Variants in PIP5K1B observed in about 807,000 individuals in gnomAD.
The protein encoded by PIP5K1B is phosphatidylinositol 4-phosphate 5-kinase type-1 beta.
A neutral mutation model predicts 67.0 loss-of-function variants in PIP5K1B; 42 were observed. The ratio of observed to expected loss-of-function variants is 0.63; its 90% CI spans 0.49 to 0.81. The LOEUF (loss-of-function observed/expected upper bound fraction) is 0.81, where lower values mean the gene tolerates loss of function less well. PIP5K1B is among the 30% of genes least tolerant of loss of function. The pLI, the probability that PIP5K1B is intolerant of heterozygous loss-of-function variation, is 0.00. For missense variants in PIP5K1B, 459 were observed against 646.3 expected, an observed-to-expected ratio of 0.71 and a Z score of 3.14; for synonymous variants, 214 against 231.4, an observed-to-expected ratio of 0.92 and a Z score of 0.68.
At chr9:68,957,116 A>G (rs1362388140) in intron 14 of PIP5K1B, among the ~76,000 whole-genome samples, 2 of 152,126 alleles carry the variant, frequency 1.3e-5, no homozygotes, top group Non-Finnish European at 2.9e-5. Flanking sequence ...CTGCTCTGCC[A>G]TGCTTCACTC....
chr9:68,922,056 A>G (rs539405832), intron 11 of PIP5K1B, among the ~76,000 whole-genome samples: 3 of 152,312 alleles, frequency 2.0e-5, no homozygotes, highest in African/African-American at 4.8e-5. Flanking sequence ...TTAATCCTCT[A>G]TGGATACCCC....
intron 1 of PIP5K1B, among the ~76,000 whole-genome samples, chr9:68,740,765 T>A (rs1828965977): frequency 6.6e-6 from 1 of 152,252 alleles, no homozygotes; most frequent in Admixed American, 6.5e-5. Context: ...TATTTCCTTA[T>A]GAAGTTCATT....
At chr9:68,974,138 G>C (rs1358092843) in intron 14 of PIP5K1B, among the ~76,000 whole-genome samples, 2 of 152,124 alleles carry the variant, frequency 1.3e-5, no homozygotes, top group Non-Finnish European at 2.9e-5. Context: ...CCAAAGTGCT[G>C]GGATTACAGG....
rs1002603116 is a variant in PIP5K1B at position 68,773,858 on chromosome 9, T to C, written c.-86+31201T>C. On this transcript the variant is annotated intron_variant, in intron 2 of 15. Coordinates refer to ENST00000265382, the MANE Select transcript of PIP5K1B (RefSeq NM_003558.4). ...AATGATTATTTGCAAATTGAATGGTTGGTAAGTTTCTGAGATAATCTATTA... is the reference window on the plus strand; with the variant it reads ...AATGATTATTTGCAAATTGAATGGTCGGTAAGTTTCTGAGATAATCTATTA... Among the ~76,000 whole-genome samples, 14 of 152,274 alleles carry C rather than the reference T, an allele frequency of 9.2e-5. No individual in the cohort carries two copies. The East Asian group carries it at 2.7e-3, about 29-fold the overall frequency.
intron 11 of PIP5K1B, among the ~76,000 whole-genome samples, chr9:68,922,734 C>T (rs1826473786): frequency 6.6e-6 from 1 of 152,184 alleles, no homozygotes; most frequent in Admixed American, 6.5e-5. Context: ...CAATTCAACT[C>T]TATGCAATCA....
intron 11 of PIP5K1B, among the ~76,000 whole-genome samples, chr9:68,922,193 A>G (rs1587670827): frequency 1.3e-5 from 2 of 152,282 alleles, no homozygotes; most frequent in East Asian, 3.9e-4. Context: ...GGCCAGGTGC[A>G]GTGGCTCATG....
chr9:68,780,276 GC>G, intron 2 of PIP5K1B: 1 of 1,577,808 alleles, frequency 6.3e-7, no homozygotes, highest in Non-Finnish European at 8.6e-7. Flanking sequence ...GTCTAACAGC[GC>G]CCCCCTGATC....
intron 7 of PIP5K1B, among the ~76,000 whole-genome samples, chr9:68,893,809 A>C (rs1376937130): frequency 1.3e-5 from 2 of 152,230 alleles, no homozygotes; most frequent in East Asian, 3.8e-4. Context: ...AATCAATGGC[A>C]TTCAAATTTT....
At chr9:68,862,296 G>T (rs75111014) in intron 4 of PIP5K1B, among the ~76,000 whole-genome samples, 1 of 152,112 alleles carries the variant, frequency 6.6e-6, no homozygotes, top group Non-Finnish European at 1.5e-5. Flanking sequence ...CACTGCATTC[G>T]TGTTGACAGA....
chr9:68,979,311 G>C (rs1313054090), intron 14 of PIP5K1B, among the ~76,000 whole-genome samples: 1 of 152,068 alleles, frequency 6.6e-6, no homozygotes, highest in Non-Finnish European at 1.5e-5. Flanking sequence ...CACCTAACAG[G>C]GTTCTTTTTA....
rs113825661 is a variant in PIP5K1B at position 68,788,184 on chromosome 9, C to G, written c.-85-30277C>G. 312 of 318,602 alleles carry G rather than the reference C, an allele frequency of 9.8e-4. 3 individuals are homozygous for G. The highest frequency in any genetic ancestry group is 6.3e-3 in the African/African-American group (278 of 44,462). 19.7% of individuals were successfully genotyped at this position (318,602 alleles called of 1,614,324 possible). A position where few individuals can be genotyped will look rare whatever the true frequency, so the allele number is the denominator to read the frequency against. ...TTGATTAGTTCCACAGCACTGCAGG[C>G]TAAGGGGAAAAAGGAATGTGTGGGC... On this transcript the variant is annotated intron_variant, in intron 2 of 15. Transcript: ENST00000265382.
At chr9:68,767,349 T>A (rs1830474896) in intron 2 of PIP5K1B, among the ~76,000 whole-genome samples, 2 of 152,134 alleles carry the variant, frequency 1.3e-5, no homozygotes, top group Non-Finnish European at 2.9e-5. Flanking sequence ...ATCCCAGCAC[T>A]TTGGGAGGCC....
chr9:68,813,797 A>T (rs1413375432), intron 2 of PIP5K1B, among the ~76,000 whole-genome samples: 1 of 152,150 alleles, frequency 6.6e-6, no homozygotes, highest in Non-Finnish European at 1.5e-5. Flanking sequence ...GACTCCAAGA[A>T]AGATGGCTAC....
chr9:68,914,003 C>T (rs1009190926), intron 8 of PIP5K1B, among the ~76,000 whole-genome samples: 9 of 151,472 alleles, frequency 5.9e-5, no homozygotes, highest in Non-Finnish European at 8.8e-5. Flanking sequence ...GTTCATGGGC[C>T]GGGAAAAAAG....
intron 3 of PIP5K1B, among the ~76,000 whole-genome samples, chr9:68,820,013 C>A (rs1786755318): frequency 6.6e-6 from 1 of 152,188 alleles, no homozygotes; most frequent in Admixed American, 6.6e-5. Context: ...TACTTTAAGA[C>A]CATCTCATCC....
intron 1 of PIP5K1B, among the ~76,000 whole-genome samples, chr9:68,728,588 A>G (rs1828262975): frequency 6.6e-6 from 1 of 152,126 alleles, no homozygotes; most frequent in Non-Finnish European, 1.5e-5. Flanking sequence ...AAAACATTCC[A>G]AGTAGAAGGG....
At chr9:68,741,311 T>C (rs1480927902) in intron 1 of PIP5K1B, among the ~76,000 whole-genome samples, 3 of 152,238 alleles carry the variant, frequency 2.0e-5, no homozygotes, top group South Asian at 2.1e-4. Flanking sequence ...CTAGATTTCC[T>C]TGGTCACTTT....
At chr9:68,708,522 T>A (rs753843143) in intron 1 of PIP5K1B, among the ~76,000 whole-genome samples, 4 of 146,340 alleles carry the variant, frequency 2.7e-5, no homozygotes, top group African/African-American at 1.0e-4. Context: ...GTCATCTATG[T>A]TATGCTCTTT....
rs191241246 is a variant in PIP5K1B, at chr9:68,732,810, G to A, written c.-242-9691G>A. Among the ~76,000 whole-genome samples, 381 of 151,798 alleles carry A rather than the reference G, an allele frequency of 2.5e-3. 2 individuals are homozygous for A. Among genetic ancestry groups the A allele is most frequent in the African/African-American group, 8.8e-3 (366 of 41,376 alleles). ...GGTCTGCTGTCCCTGAGGCAAAGCC[G>A]GGTAATTCTTTCTTGGAAAGAGTGG... On this transcript the variant is annotated intron_variant, in intron 1 of 15. Coordinates refer to ENST00000265382, the MANE Select transcript of PIP5K1B (RefSeq NM_003558.4).
Sources: allele counts gnomAD v4.1 joint callset (sites outside exome capture counted in the v4.1 genomes callset), GRCh38; gene constraint gnomAD v4.1.1; transcripts MANE v1.5; gene names NCBI Gene and HGNC (gene_info 2026-07-23, HGNC 2026-07-21).